The following KCNA2 variants were observed in gnomAD, a reference collection of about 807,000 sequenced individuals.
KCNA2 encodes the protein potassium voltage-gated channel subfamily A member 2, also known as potassium channel, voltage gated shaker related subfamily A, member 2.
Under a neutral mutation model 33.4 loss-of-function variants are expected in KCNA2, and 11 were observed. The ratio of observed to expected loss-of-function variants is 0.33; its 90% confidence interval spans 0.21 to 0.55. KCNA2 has a LOEUF of 0.55. Among genes scored for constraint, KCNA2 ranks in the 20% least tolerant of loss-of-function variants. The pLI, the probability that KCNA2 is intolerant of heterozygous loss-of-function variation, is 0.93. For synonymous variants in KCNA2, 222 were observed against 231.3 expected (o/e 0.96, Z 0.37); for missense variants, 291 against 621.6 (o/e 0.47, Z 5.66).
rs1277099158 is a variant in KCNA2, at chr1:110,599,576, G to A, written c.*3707C>T. The stretch of plus-strand genomic sequence containing the variant: ...AAGTGAAATGCCACAAGCAAGTAAA[G>A]GTGGCTCATTTTAAGAGACAGGTCT... On this transcript the variant is annotated 3_prime_UTR_variant, in exon 3 of 3. Transcript: ENST00000316361. The A allele has an allele frequency of 1.0e-6, 1 of 985,326 alleles. No individual in the cohort carries two copies. The highest frequency in any genetic ancestry group is 1.2e-6 in the Non-Finnish European group (1 of 829,936). The allele number at this position is 985,326 out of a possible 1,614,324, so 61.0% of individuals were successfully genotyped here. A position where few individuals can be genotyped will look rare whatever the true frequency, so the allele number is the denominator to read the frequency against.
chr1:110,601,449 A>G lies in KCNA2; in HGVS notation c.*1834T>C. 1 of 985,508 alleles carries G rather than the reference A, an allele frequency of 1.0e-6. No homozygotes were observed. 61.0% of individuals were successfully genotyped at this position (985,508 alleles called of 1,614,324 possible). On this transcript the variant is annotated 3_prime_UTR_variant, in exon 3 of 3. Coordinates refer to ENST00000316361, the MANE Select transcript of KCNA2 (RefSeq NM_004974.4). ...AATAAGATCCAAGTGGCAAGGGAAG[A>G]GGTGAAAATGGAGATGATGAACAGG...
chr1:110,596,119 T>A lies in KCNA2; in HGVS notation c.*7164A>T. The A allele has an allele frequency of 1.0e-6, 1 of 985,384 alleles. No individual in the cohort carries two copies. The highest frequency in any genetic ancestry group is 1.2e-6 in the Non-Finnish European group (1 of 829,930). The allele number at this position is 985,384 out of a possible 1,614,324, so 61.0% of individuals were successfully genotyped here. ...AGAGGTGATCCTGTAGCCTGTTCTT[T>A]TTTTATGAAAGATCTGCCTTCTAGA... On this transcript the variant is annotated 3_prime_UTR_variant, in exon 3 of 3. Transcript: ENST00000316361.
Position 110,601,028 on chromosome 1 carries a change from G to A in KCNA2, c.*2255C>T, listed in dbSNP as rs1649319151. On this transcript the variant is annotated 3_prime_UTR_variant, in exon 3 of 3. Coordinates refer to ENST00000316361, the MANE Select transcript of KCNA2 (RefSeq NM_004974.4). ...AAGGCAAAGACGCCCAGTCTGGTGA[G>A]TTAAAAGCCCCCTACCTGAAGCCAT... The A allele has an allele frequency of 2.0e-6, 2 of 985,432 alleles. No individual in the cohort carries two copies. The highest frequency in any genetic ancestry group is 2.4e-6 in the Non-Finnish European group (2 of 830,008). The allele number at this position is 985,432 out of a possible 1,614,324, so 61.0% of individuals were successfully genotyped here.
intron 1 of KCNA2, among the ~76,000 whole-genome samples, chr1:110,628,355 A>C (rs1229941097): frequency 6.6e-6 from 1 of 152,328 alleles, no homozygotes; most frequent in African/African-American, 2.4e-5. Context: ...CCCTTCTTCC[A>C]TGATCGCCCT....
rs1361279090 is a variant in KCNA2 at position 110,603,034 on chromosome 1, T to C, written c.*249A>G. 4 of 1,367,294 alleles carry C rather than the reference T, an allele frequency of 2.9e-6. No individual in the cohort carries two copies. In the East Asian group the frequency reaches 8.6e-5, roughly 29 times the overall value. The allele number at this position is 1,367,294 out of a possible 1,614,324, so 84.7% of individuals were successfully genotyped here. Reference sequence around the variant, plus strand: ...ATGAGGTGGCCTCAACGTGTCTATCTGAAATCCTAGCTTGATAGGTGACTC... The same window carrying C: ...ATGAGGTGGCCTCAACGTGTCTATCCGAAATCCTAGCTTGATAGGTGACTC... On this transcript the variant is annotated 3_prime_UTR_variant, in exon 3 of 3. Coordinates refer to ENST00000316361, the MANE Select transcript of KCNA2 (RefSeq NM_004974.4). This position sits in a 1 kb window ranked among gnomAD's most constrained non-coding sequence, Gnocchi z 5.7.
chr1:110,623,704 C>T (rs1172581354), intron 1 of KCNA2, among the ~76,000 whole-genome samples: 4 of 152,154 alleles, frequency 2.6e-5, no homozygotes, highest in African/African-American at 9.7e-5. Context: ...CCTCTCTGCT[C>T]TTCTCACTCC....
chr1:110,606,908 C>T (rs1051869335), upstream of KCNA2: 1 of 152,422 alleles, frequency 6.6e-6, no homozygotes, highest in South Asian at 2.1e-4. Flanking sequence ...TGGTTCAGGT[C>T]CTACCAACCC....
upstream of KCNA2, among the ~76,000 whole-genome samples, chr1:110,610,977 C>T (rs188372176): frequency 0.011 from 1,699 of 151,696 alleles, 11 homozygotes; most frequent in Non-Finnish European, 0.018. Context: ...AGGACACTAG[C>T]CCCGCCCACC....
chr1:110,616,885 T>C (rs975472928), intron 1 of KCNA2, among the ~76,000 whole-genome samples: 1 of 152,230 alleles, frequency 6.6e-6, no homozygotes, highest in Non-Finnish European at 1.5e-5. Context: ...GGAAGCAGAA[T>C]TGTCAACAAT....
Position 110,597,027 on chromosome 1 carries a change from C to A in KCNA2, c.*6256G>T, listed in dbSNP as rs975890007. ...GGTAGAGTCTTTATTTCACTAATGT[C>A]ATGCCCTAACCACCCAAACTTCTAT... On this transcript the variant is annotated 3_prime_UTR_variant, in exon 3 of 3. Transcript: ENST00000316361. 3.0e-6 allele frequency: 3 copies of A among 985,350 alleles called. No individual in the cohort carries two copies. The East Asian group carries it at 3.4e-4, about 112-fold the overall frequency. 61.0% of individuals were successfully genotyped at this position (985,350 alleles called of 1,614,324 possible). A position where few individuals can be genotyped will look rare whatever the true frequency, so the allele number is the denominator to read the frequency against.
intron 1 of KCNA2, among the ~76,000 whole-genome samples, chr1:110,612,988 G>A (rs1649928334): frequency 6.6e-6 from 1 of 152,188 alleles, no homozygotes; most frequent in African/African-American, 2.4e-5. Context: ...GTTCCAATCT[G>A]TAAAATGGGA....
upstream of KCNA2, chr1:110,606,740 AGTAGCCTGCG>A (rs1258009436): frequency 3.3e-5 from 5 of 152,362 alleles, no homozygotes; most frequent in Non-Finnish European, 1.5e-5. Context: ...GGGGGTGGGG[AGTAGCCTGCG>A]CCAGGCTGCC....
Position 110,603,268 on chromosome 1 carries a change from G to T in KCNA2, c.*15C>A. 1 of 1,586,720 alleles carries T rather than the reference G, an allele frequency of 6.3e-7. No homozygotes were observed. Among genetic ancestry groups the T allele is most frequent in the Non-Finnish European group, 8.6e-7 (1 of 1,167,012 alleles). Reference sequence around the variant, plus strand: ...ATTAGTTCCATTGAGCTGTGAGTACGGTAATAGGTTTCAATCAGACATCAG... The same window carrying T: ...ATTAGTTCCATTGAGCTGTGAGTACTGTAATAGGTTTCAATCAGACATCAG... On this transcript the variant is annotated 3_prime_UTR_variant, in exon 3 of 3. Transcript: ENST00000316361. The surrounding 1 kb of genome is among the most constrained non-coding windows in gnomAD (Gnocchi z 5.7).
chr1:110,594,111 A>G lies in KCNA2; in HGVS notation c.*9172T>C. 4 of 1,404,120 alleles carry G rather than the reference A, an allele frequency of 2.8e-6. No individual in the cohort carries two copies. The South Asian group carries it at 6.5e-5, about 23-fold the overall frequency. The allele number at this position is 1,404,120 out of a possible 1,614,324, so 87.0% of individuals were successfully genotyped here. A position where few individuals can be genotyped will look rare whatever the true frequency, so the allele number is the denominator to read the frequency against. On this transcript the variant is annotated 3_prime_UTR_variant, in exon 3 of 3. Coordinates refer to ENST00000316361, the MANE Select transcript of KCNA2 (RefSeq NM_004974.4). Reference sequence around the variant, plus strand: ...CATCAGCCTTGGAGTTCCTTCTGCTATTGATCCCAAGGAGGCTTATTTATC... The same window carrying G: ...CATCAGCCTTGGAGTTCCTTCTGCTGTTGATCCCAAGGAGGCTTATTTATC...
chr1:110,614,521 A>G lies in KCNA2; in HGVS notation c.-495-8799T>C, dbSNP rs1649988062. 2.0e-5 allele frequency among the ~76,000 whole-genome samples: 3 copies of G among 152,206 alleles called. No individual in the cohort carries two copies. In the South Asian group the frequency reaches 6.2e-4, roughly 32 times the overall value. ...TAGAGAAGAGGAATAGAACAGAAAA[A>G]CAAGAAGCAAGTTGATATCATGGAA... On this transcript the variant is annotated intron_variant, in intron 1 of 4. Coordinates refer to the KCNA2 transcript ENST00000369770.
intron 1 of KCNA2, among the ~76,000 whole-genome samples, chr1:110,620,057 A>AGC (rs1448186360): frequency 4.5e-4 from 56 of 125,674 alleles, no homozygotes; most frequent in African/African-American, 1.7e-3. Context: ...CGAGAGCGAG[A>AGC]GAGAGAGAGA....
chr1:110,609,890 C>T (rs1649811250), upstream of KCNA2, among the ~76,000 whole-genome samples: 1 of 152,220 alleles, frequency 6.6e-6, no homozygotes, highest in Non-Finnish European at 1.5e-5. Flanking sequence ...AAGTTACTGA[C>T]ACTCTCTGAG....
chr1:110,618,542 G>C (rs572705264), intron 1 of KCNA2, among the ~76,000 whole-genome samples: 3 of 152,122 alleles, frequency 2.0e-5, no homozygotes, highest in African/African-American at 7.2e-5. Flanking sequence ...AGCTTGGGTG[G>C]CCCTCAGATG....
intron 1 of KCNA2, among the ~76,000 whole-genome samples, chr1:110,612,286 A>G (rs569453992): frequency 6.6e-5 from 10 of 152,334 alleles, no homozygotes; most frequent in African/African-American, 2.4e-4. Context: ...TACTTACACA[A>G]ACGTAGATGG....
Sources: allele counts gnomAD v4.1 joint callset (sites outside exome capture counted in the v4.1 genomes callset), GRCh38; gene constraint gnomAD v4.1.1; non-coding constraint Gnocchi (gnomAD v3.1); transcripts MANE v1.5; gene names NCBI Gene and HGNC (gene_info 2026-07-23, HGNC 2026-07-21).